Variants in SLC9A7 observed in about 807,000 individuals in gnomAD.
SLC9A7 encodes the protein sodium/hydrogen exchanger 7.
In SLC9A7, 19 loss-of-function variants were observed where a neutral mutation model predicts 52.6. That is an observed-to-expected ratio of 0.36 (90% CI 0.25 to 0.53). SLC9A7 has a LOEUF of 0.53. SLC9A7 is among the 20% of genes least tolerant of loss of function. The pLI, the probability that SLC9A7 is intolerant of heterozygous loss-of-function variation, is 0.91. For synonymous variants in SLC9A7, 226 were observed against 252.1 expected (o/e 0.90, Z 0.98); for missense variants, 455 against 597.9 (o/e 0.76, Z 2.49).
intron 4 of SLC9A7, among the ~76,000 whole-genome samples, chrX:46,670,701 A>G (rs191539977): frequency 2.7e-5 from 3 of 112,373 alleles, no homozygotes; most frequent in African/African-American, 9.7e-5. Flanking sequence ...CAAAAGAACT[A>G]TTCACAGAAT....
In SLC9A7 at chrX:46,657,584, T is replaced by C. The variant is rs767960995; in HGVS notation, c.1042-3870A>G. Among the ~76,000 whole-genome samples, 731 of 107,200 alleles carry C rather than the reference T, an allele frequency of 6.8e-3. 5 individuals are homozygous for C. The highest frequency in any genetic ancestry group is 0.024 in the African/African-American group (697 of 29,384). 93.1% of individuals were successfully genotyped at this position (107,200 alleles called of 115,157 possible). On this transcript the variant is annotated intron_variant, in intron 7 of 16. Coordinates refer to ENST00000616978, the MANE Select transcript of SLC9A7 (RefSeq NM_001257291.2). ...CAGGGGTTGCAATCCTAGTCTCTGA[T>C]AAAACAGACTTTAAACCAACAAAGA... is the stretch of plus-strand genomic sequence containing the variant.
At chrX:46,615,124 C>A (rs1339291123) in intron 15 of SLC9A7, among the ~76,000 whole-genome samples, 1 of 111,906 alleles carries the variant, frequency 8.9e-6, no homozygotes, top group Non-Finnish European at 1.9e-5. Context: ...CTCACTGCAA[C>A]CTCCGCCTCC....
intron 1 of SLC9A7, among the ~76,000 whole-genome samples, chrX:46,757,544 C>T (rs1356971586): frequency 8.9e-6 from 1 of 112,635 alleles, no homozygotes; most frequent in Non-Finnish European, 1.9e-5. Context: ...TTTCTGCTTT[C>T]CATTCTCTAT....
chrX:46,673,870 G>C (rs532003480), intron 3 of SLC9A7, among the ~76,000 whole-genome samples: 1 of 112,206 alleles, frequency 8.9e-6, no homozygotes, highest in South Asian at 3.6e-4. Flanking sequence ...ATCCTTCAAG[G>C]GCTTGCCATG....
In SLC9A7 at chrX:46,755,842, G is replaced by A. The variant is rs1450561588; in HGVS notation, c.325+2863C>T. ...GTCTTGGAAAAAAAAAAAAAAAAAA[G>A]CTATTACAAGACCAAGAAGCATACA... On this transcript the variant is annotated intron_variant, in intron 1 of 16. Coordinates refer to ENST00000616978, the MANE Select transcript of SLC9A7 (RefSeq NM_001257291.2). Among the ~76,000 whole-genome samples, 94 of 95,961 alleles carry A rather than the reference G, an allele frequency of 9.8e-4. 2 individuals carry two copies. The East Asian group carries it at 0.016, about 16-fold the overall frequency. The allele number at this position is 95,961 out of a possible 115,157, so 83.3% of individuals were successfully genotyped here. A position where few individuals can be genotyped will look rare whatever the true frequency, so the allele number is the denominator to read the frequency against.
intron 15 of SLC9A7, among the ~76,000 whole-genome samples, chrX:46,618,119 G>C (rs1365558121): frequency 9.0e-6 from 1 of 111,424 alleles, no homozygotes; most frequent in Non-Finnish European, 1.9e-5. Context: ...TTCCCTAAAG[G>C]CACCTAAGAA....
chrX:46,754,434 C>T (rs1156853006), intron 1 of SLC9A7, among the ~76,000 whole-genome samples: 1 of 112,180 alleles, frequency 8.9e-6, no homozygotes, highest in Non-Finnish European at 1.9e-5. Flanking sequence ...CTGCTCCCAA[C>T]TGGGGCCAAA....
At chrX:46,631,903 C>G (rs1438050682) in intron 13 of SLC9A7, among the ~76,000 whole-genome samples, 5 of 112,027 alleles carry the variant, frequency 4.5e-5, no homozygotes, top group Non-Finnish European at 7.5e-5. Context: ...CGGAACACAA[C>G]ACATGCTGGC....
At chrX:46,661,948 C>A in intron 7 of SLC9A7, 68 bp downstream of exon 7, 1 of 999,103 alleles carries the variant, frequency 1.0e-6, no homozygotes, top group Non-Finnish European at 1.3e-6. Flanking sequence ...CAGCTGAGAA[C>A]TTTCTTTTTG....
In SLC9A7 at chrX:46,744,837, A is replaced by G. The variant is rs773950161; in HGVS notation, c.325+13868T>C. On this transcript the variant is annotated intron_variant, in intron 1 of 16. Coordinates refer to ENST00000616978, the MANE Select transcript of SLC9A7 (RefSeq NM_001257291.2). Reference sequence around the variant, plus strand: ...CTCCAAAGTCCCATCCCTCCACAGAAACATTGAAGAACAACCAGAAGCTGT... The same window carrying G: ...CTCCAAAGTCCCATCCCTCCACAGAGACATTGAAGAACAACCAGAAGCTGT... Among the ~76,000 whole-genome samples, 212 of 111,893 alleles carry G rather than the reference A, an allele frequency of 1.9e-3. 2 individuals are homozygous for G. The highest frequency in any genetic ancestry group is 2.2e-3 in the Non-Finnish European group (115 of 53,307).
chrX:46,674,425 T>C (rs938264864), intron 3 of SLC9A7, among the ~76,000 whole-genome samples: 8 of 112,475 alleles, frequency 7.1e-5, no homozygotes, highest in African/African-American at 9.7e-5. Context: ...CTTAAACGTA[T>C]ACTTCATAGT....
chrX:46,625,401 C>G (rs1045602696), intron 14 of SLC9A7, among the ~76,000 whole-genome samples: 1 of 110,389 alleles, frequency 9.1e-6, no homozygotes, highest in Non-Finnish European at 1.9e-5. Flanking sequence ...AGGACAATCA[C>G]GTGGGCCCTT....
At chrX:46,692,355 G>A (rs1338947343) in intron 1 of SLC9A7, among the ~76,000 whole-genome samples, 1 of 110,809 alleles carries the variant, frequency 9.0e-6, no homozygotes, top group East Asian at 2.8e-4. Context: ...TGAACCATCC[G>A]AATGAGATAT....
At chrX:46,607,929 A>G (rs1412895275) in intron 16 of SLC9A7, among the ~76,000 whole-genome samples, 1 of 112,529 alleles carries the variant, frequency 8.9e-6, no homozygotes, top group African/African-American at 3.2e-5. Context: ...CGCTGCACTG[A>G]GGCCTATTGA....
chrX:46,743,618 G>C (rs772196943), intron 1 of SLC9A7, among the ~76,000 whole-genome samples: 1 of 111,439 alleles, frequency 9.0e-6, no homozygotes, highest in South Asian at 3.7e-4. Flanking sequence ...TTTTTCTCCT[G>C]CTGATCTTGC....
chrX:46,739,714 C>T (rs1921195550), intron 1 of SLC9A7, among the ~76,000 whole-genome samples: 1 of 111,759 alleles, frequency 8.9e-6, no homozygotes, highest in Non-Finnish European at 1.9e-5. Context: ...ACAGTTGTCT[C>T]CTACTGAACT....
intron 1 of SLC9A7, among the ~76,000 whole-genome samples, chrX:46,693,901 C>T (rs1383895556): frequency 2.7e-5 from 3 of 110,118 alleles, no homozygotes; most frequent in Admixed American, 9.8e-5. Flanking sequence ...AAAATTGCAA[C>T]GTGGATGGAG....
chrX:46,726,361 A>G (rs1212039032), intron 1 of SLC9A7, among the ~76,000 whole-genome samples: 1 of 112,401 alleles, frequency 8.9e-6, no homozygotes, highest in Non-Finnish European at 1.9e-5. Flanking sequence ...TAAAATGTTT[A>G]AACAGCTAAG....
intron 1 of SLC9A7, among the ~76,000 whole-genome samples, chrX:46,705,188 T>A (rs1190005842): frequency 2.7e-5 from 3 of 111,268 alleles, no homozygotes; most frequent in African/African-American, 6.5e-5. Flanking sequence ...AGACCAAATG[T>A]CAAGCAGGGA....
Sources: gnomAD v4.1 joint callset for allele counts (sites outside exome capture counted in the v4.1 genomes callset) on GRCh38, gnomAD v4.1.1 for gene constraint, MANE v1.5 for transcripts, NCBI Gene and HGNC (gene_info 2026-07-23, HGNC 2026-07-21) for gene names.